TBKBP1: variants seen among roughly 807,000 people sequenced by gnomAD.
TBKBP1 encodes TBK1 binding protein 1, also known as TANK-binding kinase 1-binding protein 1.
A neutral mutation model predicts 69.9 loss-of-function variants in TBKBP1; 47 were observed. The observed-to-expected ratio is 0.67, with a 90% confidence interval of 0.53 to 0.86. TBKBP1 has a LOEUF of 0.86. Among genes scored for constraint, TBKBP1 ranks in the 40% least tolerant of loss-of-function variants. The pLI is 0.00. For missense variants in TBKBP1, 831 were observed against 858.6 expected, an observed-to-expected ratio of 0.97 and a Z score of 0.40; for synonymous variants, 418 against 390.3, an observed-to-expected ratio of 1.07 and a Z score of -0.84.
intron 7 of TBKBP1, among the ~76,000 whole-genome samples, chr17:47,704,238 C>T (rs1255450581): frequency 6.6e-6 from 1 of 152,204 alleles, no homozygotes; most frequent in Non-Finnish European, 1.5e-5. Context: ...GGATTCGTGG[C>T]AGGGGCTGCC....
chr17:47,694,806 C>T (rs2031144852), intron 1 of TBKBP1: 1 of 151,750 alleles, frequency 6.6e-6, no homozygotes, highest in South Asian at 2.1e-4. Context: ...TGGGGCCGGC[C>T]CTACAAACGC....
chr17:47,704,941 TG>T (rs1340921664), intron 7 of TBKBP1, among the ~76,000 whole-genome samples: 1 of 152,244 alleles, frequency 6.6e-6, no homozygotes, highest in East Asian at 1.9e-4. Flanking sequence ...GTTGCCAGCT[TG>T]GCAGGCTGAG....
chr17:47,703,952 G>T (rs988844658), intron 7 of TBKBP1, among the ~76,000 whole-genome samples: 1 of 152,148 alleles, frequency 6.6e-6, no homozygotes, highest in African/African-American at 2.4e-5. Flanking sequence ...GCACCTCTGC[G>T]GTGTGTTTCT....
intron 7 of TBKBP1, among the ~76,000 whole-genome samples, chr17:47,702,856 G>A (rs907361367): frequency 7.9e-5 from 12 of 152,124 alleles, no homozygotes; most frequent in Middle Eastern, 3.4e-3. Flanking sequence ...CTGACCCTTG[G>A]GGGGTTCCCA....
chr17:47,699,227 G>A (rs1044197126), intron 5 of TBKBP1, 93 bp from the exon 6 acceptor site: 1 of 1,334,216 alleles, frequency 7.5e-7, no homozygotes, highest in African/African-American at 1.5e-5. Flanking sequence ...CTTCTCTCTT[G>A]GAGTCCCCAT....
intron 7 of TBKBP1, among the ~76,000 whole-genome samples, chr17:47,705,157 G>T (rs1230315405): frequency 1.3e-5 from 2 of 151,906 alleles, no homozygotes; most frequent in African/African-American, 2.4e-5. Flanking sequence ...CCCTTCTGTT[G>T]CTGCCTTGCC....
intron 7 of TBKBP1, among the ~76,000 whole-genome samples, chr17:47,705,722 G>A (rs1485274572): frequency 2.0e-5 from 3 of 152,234 alleles, no homozygotes; most frequent in South Asian, 4.1e-4. Flanking sequence ...CATTCAGGTC[G>A]TTAGCATCTT....
At position 47,708,773 on chromosome 17, in the gene TBKBP1, G is replaced by GCCCCCCCCC; in HGVS notation, c.1044_1045insCCCCCCCCC (p.Pro348_Ser349insProProPro). On this transcript the variant is annotated inframe_insertion, in exon 9 of 10. Transcript: ENST00000578982. This position sits in a 1 kb window ranked among gnomAD's most constrained non-coding sequence, Gnocchi z 4.4. ...CAACGCCACTCCCCGGCCCCCCAGT[G>GCCCCCCCCC]CCCCTCCCCCTCCCCGCCTGCCCGA... is the stretch of plus-strand genomic sequence containing the variant. The GCCCCCCCCC allele has an allele frequency of 4.5e-6, 4 of 881,984 alleles. No individual in the cohort carries two copies. Among genetic ancestry groups the GCCCCCCCCC allele is most frequent in the Non-Finnish European group, 6.5e-6 (4 of 612,608 alleles). The allele number at this position is 881,984 out of a possible 1,614,324, so 54.6% of individuals were successfully genotyped here.
intron 1 of TBKBP1, 188 bp from the exon 2 acceptor site, chr17:47,695,891 C>T (rs908394255): frequency 2.1e-6 from 1 of 476,684 alleles, no homozygotes; most frequent in African/African-American, 1.9e-5. Flanking sequence ...GCCCCTTTTC[C>T]CCAAGGCGGC....
chr17:47,699,441 C>A lies in TBKBP1; in HGVS notation c.756C>A (p.Ala252=), dbSNP rs1332319363. Residue 252 remains alanine (A), a synonymous_variant, in exon 6 of 10, where the codon GCC becomes GCA. Coordinates refer to ENST00000578982, the MANE Select transcript of TBKBP1 (RefSeq NM_001394755.1). ...AGCTCCGGGAGGAGCAGCTCCAGGC[C>A]GAGTGCGAGCGGCTGCAGGGGGAGC... ...GAQLREEQLQ[A]ECERLQGELK... 1 of 1,569,588 alleles carries A rather than the reference C, an allele frequency of 6.4e-7. No homozygotes were observed.
At chr17:47,695,978 T>A in intron 1 of TBKBP1, 101 bp from the exon 2 acceptor site, 1 of 664,118 alleles carries the variant, frequency 1.5e-6, no homozygotes, top group Non-Finnish European at 2.5e-6. Context: ...GTTTCTGGGT[T>A]GCATCTTAGC....
chr17:47,698,595 A>C lies in TBKBP1; in HGVS notation c.454A>C (p.Arg152=). The C allele has an allele frequency of 6.3e-7, 1 of 1,586,070 alleles. No homozygotes were observed. The highest frequency in any genetic ancestry group is 8.6e-7 in the Non-Finnish European group (1 of 1,166,238). The stretch of plus-strand genomic sequence containing the variant: ...CCCTCCCCTCTGTCTCTCTCTCCAG[A>C]GGGCCCTGGTGGAGACGCACCTGCG... ...SDLETELREM[R]ALVETHLRQI... The change falls in exon 5 of 10, where the codon AGG becomes CGG. Residue 152 remains arginine, a splice_region_variant and synonymous_variant. Transcript: ENST00000578982.
Position 47,710,608 on chromosome 17 carries a change from G to A in TBKBP1, c.1830G>A (p.Leu610=), listed in dbSNP as rs2031890714. 6.2e-7 allele frequency: 1 copy of A among 1,607,390 alleles called. No individual in the cohort carries two copies. Among genetic ancestry groups the A allele is most frequent in the Non-Finnish European group, 8.5e-7 (1 of 1,174,826 alleles). The change falls in exon 10 of 10, where the codon CTG becomes CTA. Residue 610 remains leucine, a synonymous_variant. Coordinates refer to ENST00000578982, the MANE Select transcript of TBKBP1 (RefSeq NM_001394755.1). The part of the protein sequence containing the change: ...DALIKHIDSH[L]ENSKI ...TCATCAAACACATTGACTCCCACCT[G>A]GAGAACAGCAAGATCTAGGGCACCA...
intron 7 of TBKBP1, among the ~76,000 whole-genome samples, chr17:47,700,267 G>C (rs1397498602): frequency 7.1e-6 from 1 of 141,228 alleles, no homozygotes; most frequent in African/African-American, 2.6e-5. Flanking sequence ...GGGATTATAG[G>C]AGTGAGCCAC....
At chr17:47,697,747 C>A (rs1489814960) in intron 4 of TBKBP1, among the ~76,000 whole-genome samples, 2 of 151,878 alleles carry the variant, frequency 1.3e-5, no homozygotes, top group Non-Finnish European at 2.9e-5. Context: ...AGTTTGAGAC[C>A]AGCCTGGGCA....
In TBKBP1 at chr17:47,709,249, C is replaced by G; in HGVS notation, c.1516C>G (p.Arg506Gly). The G allele has an allele frequency of 6.6e-7, 1 of 1,522,700 alleles. No homozygotes were observed. Among genetic ancestry groups the G allele is most frequent in the Non-Finnish European group, 8.7e-7 (1 of 1,143,844 alleles). The allele number at this position is 1,522,700 out of a possible 1,614,324, so 94.3% of individuals were successfully genotyped here. Residue 506 changes from arginine to glycine, a missense_variant, in exon 9 of 10, where the codon CGG becomes GGG. Arg to Gly is a moderately radical substitution (Grantham distance 125, BLOSUM62 -2). Coordinates refer to ENST00000578982, the MANE Select transcript of TBKBP1 (RefSeq NM_001394755.1). ...LYGPGRPLSPRRAFEGIRLRF... is the reference protein window; with the variant it reads ...LYGPGRPLSPGRAFEGIRLRF... Reference sequence around the variant, plus strand: ...CGGCCCTGGCAGGCCCCTCAGCCCGCGGCGCGCCTTCGAGGGCATCCGGCT... The same window carrying G: ...CGGCCCTGGCAGGCCCCTCAGCCCGGGGCGCGCCTTCGAGGGCATCCGGCT...
chr17:47,697,108 A>G lies in TBKBP1; in HGVS notation c.368A>G (p.Gln123Arg), dbSNP rs766963939. The part of the protein sequence containing the change: ...FQHELQKNKE[Q>R]EEQLGEMIQA... Reference sequence around the variant, plus strand: ...ATCCAGTTACAGAAGAACAAGGAGCAGGAAGAACAGCTTGGAGAGATGATC... The same window carrying G: ...ATCCAGTTACAGAAGAACAAGGAGCGGGAAGAACAGCTTGGAGAGATGATC... The change falls in exon 4 of 10, where the codon CAG (glutamine) becomes CGG (arginine). Residue 123 changes from glutamine to arginine, a missense_variant. Physicochemically the swap from Gln to Arg is conservative, Grantham distance 43. Transcript: ENST00000578982. 1 of 1,612,310 alleles carries G rather than the reference A, an allele frequency of 6.2e-7. No homozygotes were observed. Among genetic ancestry groups the G allele is most frequent in the African/African-American group, 1.3e-5 (1 of 75,050 alleles).
rs1317856975 is a variant in TBKBP1, at chr17:47,699,683, A to C, written c.858A>C (p.Arg286Ser). 2 of 1,613,802 alleles carry C rather than the reference A, an allele frequency of 1.2e-6. No homozygotes were observed. Among genetic ancestry groups the C allele is most frequent in the Non-Finnish European group, 1.7e-6 (2 of 1,179,884 alleles). Residue 286 changes from arginine to serine, a missense_variant, in exon 7 of 10, where the codon AGA becomes AGC. Coordinates refer to ENST00000578982, the MANE Select transcript of TBKBP1 (RefSeq NM_001394755.1). ...QSERDMAWVK[R>S]VGDDQVNLAL... The stretch of plus-strand genomic sequence containing the variant: ...AGCGAGACATGGCGTGGGTGAAAAG[A>C]GTTGGGGATGATCAGTAAGTCACAT...
At position 47,709,281 on chromosome 17, in the gene TBKBP1, C is replaced by G. The variant is rs1412956517; in HGVS notation, c.1548C>G (p.Phe516Leu). 3.3e-6 allele frequency: 5 copies of G among 1,524,898 alleles called. No homozygotes were observed. Among genetic ancestry groups the G allele is most frequent in the Non-Finnish European group, 4.4e-6 (5 of 1,144,364 alleles). The allele number at this position is 1,524,898 out of a possible 1,614,324, so 94.5% of individuals were successfully genotyped here. A position where few individuals can be genotyped will look rare whatever the true frequency, so the allele number is the denominator to read the frequency against. The stretch of plus-strand genomic sequence containing the variant: ...CCTTCGAGGGCATCCGGCTGCGCTT[C>G]GAGAAGCAGCCGTCGGAGGAGGACG... ...RRAFEGIRLR[F>L]EKQPSEEDEW... Residue 516 changes from phenylalanine to leucine, a missense_variant, in exon 9 of 10, where the codon TTC becomes TTG. Coordinates refer to ENST00000578982, the MANE Select transcript of TBKBP1 (RefSeq NM_001394755.1).
Sources: gnomAD v4.1 joint callset for allele counts (sites outside exome capture counted in the v4.1 genomes callset) on GRCh38, gnomAD v4.1.1 for gene constraint, Gnocchi (gnomAD v3.1) non-coding constraint, MANE v1.5 for transcripts, NCBI Gene and HGNC (gene_info 2026-07-23, HGNC 2026-07-21) for gene names.